The following ADAM10 variants were observed in gnomAD, a reference collection of about 807,000 sequenced individuals.
ADAM10 encodes the protein ADAM metallopeptidase domain 10.
Under a neutral mutation model 90.1 loss-of-function variants are expected in ADAM10, and 17 were observed. That is an observed-to-expected ratio of 0.19 (90% CI 0.13 to 0.28). The LOEUF is 0.28. ADAM10 is among the 10% of genes least tolerant of loss of function. The pLI, the probability that ADAM10 is intolerant of heterozygous loss-of-function variation, is 1.00. For synonymous variants in ADAM10, 310 were observed against 298.6 expected (o/e 1.04, Z -0.40); for missense variants, 610 against 914.3 (o/e 0.67, Z 4.29).
chr15:58,742,726 T>A (rs987859264), intron 1 of ADAM10, among the ~76,000 whole-genome samples: 1 of 152,214 alleles, frequency 6.6e-6, no homozygotes, highest in Non-Finnish European at 1.5e-5. Flanking sequence ...TTTCCTAATA[T>A]AAAAATCAAC....
chr15:58,683,183 C>T lies in ADAM10; in HGVS notation c.207-869G>A, dbSNP rs114696721. On this transcript the variant is annotated intron_variant, in intron 2 of 15. Coordinates refer to ENST00000260408, the MANE Select transcript of ADAM10 (RefSeq NM_001110.4). ...TGGCAACAAATTAGCTAACATTACT[C>T]AACTCTGTTAAAAGTATATCAAGTC... Among the ~76,000 whole-genome samples, 479 of 152,272 alleles carry T rather than the reference C, an allele frequency of 3.1e-3. 2 individuals are homozygous for T. The highest frequency in any genetic ancestry group is 0.011 in the African/African-American group (458 of 41,562).
intron 14 of ADAM10, among the ~76,000 whole-genome samples, chr15:58,606,040 C>T (rs374537671): frequency 4.2e-4 from 64 of 152,186 alleles, no homozygotes; most frequent in African/African-American, 1.4e-3. Context: ...TCTTAAAGAC[C>T]TCCAGAAAGT....
At chr15:58,739,964 T>A (rs1899552744) in intron 1 of ADAM10, among the ~76,000 whole-genome samples, 1 of 152,222 alleles carries the variant, frequency 6.6e-6, no homozygotes, top group African/African-American at 2.4e-5. Flanking sequence ...AATTCTGTAG[T>A]CTTAATAACA....
Position 58,597,236 on chromosome 15 carries a change from G to A in ADAM10, c.*311C>T. 1.2e-6 allele frequency: 1 copy of A among 808,872 alleles called. No homozygotes were observed. The highest frequency in any genetic ancestry group is 1.9e-6 in the Non-Finnish European group (1 of 530,868). The allele number at this position is 808,872 out of a possible 1,614,324, so 50.1% of individuals were successfully genotyped here. On this transcript the variant is annotated 3_prime_UTR_variant, in exon 16 of 16. Coordinates refer to ENST00000260408, the MANE Select transcript of ADAM10 (RefSeq NM_001110.4). ...TTGAGAGCCAAGTTTGCCTGCAAGTGAAGAAAATGCAGCAACGAAGAACAG... is the reference window on the plus strand; with the variant it reads ...TTGAGAGCCAAGTTTGCCTGCAAGTAAAGAAAATGCAGCAACGAAGAACAG...
intron 2 of ADAM10, among the ~76,000 whole-genome samples, chr15:58,695,822 A>G (rs1204038546): frequency 1.3e-5 from 2 of 152,126 alleles, no homozygotes; most frequent in Non-Finnish European, 2.9e-5. Context: ...CTCTATTACA[A>G]ATATAAAAAT....
In ADAM10 at chr15:58,610,994, C is replaced by T. The variant is rs1895423586; in HGVS notation, c.1804+5G>A. ...TTTATACTCTTGTGTTTTTAAAAGC[C>T]TTACTTTTCTTCATACAGCATACAT... On this transcript the variant is annotated splice_donor_5th_base_variant and intron_variant, in intron 13 of 15. Transcript: ENST00000260408. 1.2e-6 allele frequency: 2 copies of T among 1,606,236 alleles called. No homozygotes were observed. The highest frequency in any genetic ancestry group is 1.3e-5 in the African/African-American group (1 of 74,720).
chr15:58,697,288 T>C (rs1258747001), intron 2 of ADAM10, among the ~76,000 whole-genome samples: 1 of 151,780 alleles, frequency 6.6e-6, no homozygotes, highest in African/African-American at 2.4e-5. Flanking sequence ...AAAGACCCAC[T>C]CATCAGCTGA....
rs1407656320 is a variant in ADAM10 at position 58,646,168 on chromosome 15, G to A, written c.622C>T (p.Leu208Phe). Reference protein sequence around the residue: ...QEEHAANGPELLRKKRTTSAE... With the variant: ...QEEHAANGPEFLRKKRTTSAE... ...GAAGTTGTACGTTTTTTCCTCAGAA[G>A]TTCTGGACCATTAGCAGCATGTTCT... is the stretch of plus-strand genomic sequence containing the variant. Residue 208 changes from leucine (L) to phenylalanine (F), a missense_variant, in exon 6 of 16, where the codon CTT becomes TTT. Leu to Phe is a conservative substitution (Grantham distance 22, BLOSUM62 0). This residue lies in a region of ADAM10 where 310 missense variants were observed against 362.4 expected (regional missense o/e 0.86). Coordinates refer to ENST00000260408, the MANE Select transcript of ADAM10 (RefSeq NM_001110.4). The A allele has an allele frequency of 6.2e-7, 1 of 1,613,410 alleles. No individual in the cohort carries two copies. The highest frequency in any genetic ancestry group is 1.1e-5 in the South Asian group (1 of 91,062).
intron 11 of ADAM10, among the ~76,000 whole-genome samples, chr15:58,617,729 T>G (rs1298467690): frequency 1.3e-5 from 2 of 152,024 alleles, no homozygotes; most frequent in African/African-American, 4.8e-5. Context: ...GATACAAAAT[T>G]AACATTAAAA....
intron 5 of ADAM10, chr15:58,655,150 A>G (rs1423066115): frequency 6.6e-6 from 1 of 152,182 alleles, no homozygotes; most frequent in African/African-American, 2.4e-5. Flanking sequence ...AGCTCTAATA[A>G]TATTTGCTTT....
intron 2 of ADAM10, among the ~76,000 whole-genome samples, chr15:58,684,649 A>C (rs908983343): frequency 1.3e-5 from 2 of 152,242 alleles, no homozygotes; most frequent in South Asian, 2.1e-4. Flanking sequence ...TTAGGTGATC[A>C]TGAGTTGTAT....
rs1360048892 is a variant in ADAM10 at position 58,588,865 on chromosome 15, CAGG to C, written c.*8679_*8681del. 1.3e-5 allele frequency: 2 copies of C among 152,168 alleles called. No individual in the cohort carries two copies. The highest frequency in any genetic ancestry group is 2.9e-5 in the Non-Finnish European group (2 of 68,018). 9.4% of individuals were successfully genotyped at this position (152,168 alleles called of 1,614,324 possible). ...TTTCTGAATACATTTCTTCTCCTAT[CAGG>C]AGTTGTTACTTACATGCCCCAAAGC... On this transcript the variant is annotated 3_prime_UTR_variant, in exon 16 of 16. Coordinates refer to ENST00000260408, the MANE Select transcript of ADAM10 (RefSeq NM_001110.4).
At chr15:58,735,487 C>T (rs1392271550) in intron 1 of ADAM10, among the ~76,000 whole-genome samples, 1 of 152,162 alleles carries the variant, frequency 6.6e-6, no homozygotes, top group Non-Finnish European at 1.5e-5. Flanking sequence ...GCTCAAATCC[C>T]TGACAAAATG....
intron 11 of ADAM10, among the ~76,000 whole-genome samples, chr15:58,612,209 T>C (rs1895458257): frequency 6.6e-6 from 1 of 152,052 alleles, no homozygotes; most frequent in South Asian, 2.1e-4. Context: ...GAGCCGTGTG[T>C]CCCAAAGAAA....
At chr15:58,616,874 C>T (rs960062572) in intron 11 of ADAM10, among the ~76,000 whole-genome samples, 1 of 152,016 alleles carries the variant, frequency 6.6e-6, no homozygotes, top group Non-Finnish European at 1.5e-5. Context: ...TTTGGGAGGC[C>T]GAGGCGGACA....
intron 1 of ADAM10, among the ~76,000 whole-genome samples, chr15:58,744,448 C>T (rs918303929): frequency 6.6e-6 from 1 of 151,960 alleles, no homozygotes; most frequent in Non-Finnish European, 1.5e-5. Flanking sequence ...AGCAAAGAAA[C>T]CTAACCAAAA....
intron 1 of ADAM10, among the ~76,000 whole-genome samples, chr15:58,742,946 C>A (rs1220915000): frequency 6.6e-6 from 1 of 152,048 alleles, no homozygotes. Flanking sequence ...GTGGTCCCAG[C>A]TATGGAGAGG....
chr15:58,652,193 G>T (rs551647939), intron 5 of ADAM10, among the ~76,000 whole-genome samples: 1 of 151,984 alleles, frequency 6.6e-6, no homozygotes, highest in East Asian at 1.9e-4. Context: ...CCATTCTATG[G>T]GTTGTCTCCC....
At chr15:58,689,502 A>ATAT (rs1897714989) in intron 2 of ADAM10, among the ~76,000 whole-genome samples, 1 of 152,116 alleles carries the variant, frequency 6.6e-6, no homozygotes, top group Non-Finnish European at 1.5e-5. Flanking sequence ...AATAATAATA[A>ATAT]TAATAATGCA....
Sources: allele counts gnomAD v4.1 joint callset (sites outside exome capture counted in the v4.1 genomes callset), GRCh38; gene constraint gnomAD v4.1.1; regional missense constraint gnomAD v4.1.1; transcripts MANE v1.5; gene names NCBI Gene and HGNC (gene_info 2026-07-23, HGNC 2026-07-21).